Variants in DTWD2 observed in about 807,000 individuals in gnomAD.
DTWD2 encodes tRNA-uridine aminocarboxypropyltransferase 2.
DTWD2 carries 39 observed loss-of-function variants against 31.8 expected under a neutral mutation model. The observed-to-expected ratio is 1.22, with a 90% CI of 0.95 to 1.60. The LOEUF (loss-of-function observed/expected upper bound fraction) is 1.60. DTWD2 is among the 40% of genes most tolerant of loss of function. The pLI, the probability that DTWD2 is intolerant of heterozygous loss-of-function variation, is 0.00. For synonymous variants in DTWD2, 180 were observed against 142.8 expected, an observed-to-expected ratio of 1.26 and a Z score of -1.86; for missense variants, 515 against 381.5, an observed-to-expected ratio of 1.35 and a Z score of -2.92.
At chr5:118,843,753 G>C (rs1459384728) in intron 5 of DTWD2, among the ~76,000 whole-genome samples, 1 of 152,224 alleles carries the variant, frequency 6.6e-6, no homozygotes, top group Admixed American at 6.5e-5. Flanking sequence ...TGAAGAGAAT[G>C]AATTTTGGAA....
Position 118,988,467 on chromosome 5 carries a change from C to T in DTWD2, c.45G>A (p.Ala15=). The change falls in exon 1 of 6, where the codon GCG becomes GCA. Residue 15 remains alanine, a synonymous_variant. Transcript: ENST00000510708. ...GAGAGCTTGAGGCCCCAGAAGGCCG[C>T]GCAACGGGCTCCTGGAGTGTTCGTG... is the stretch of plus-strand genomic sequence containing the variant. The part of the protein sequence containing the change: ...KEARTLQEPV[A]RPSGASSSQT... 1 of 1,605,548 alleles carries T rather than the reference C, an allele frequency of 6.2e-7. No individual in the cohort carries two copies. The highest frequency in any genetic ancestry group is 8.5e-7 in the Non-Finnish European group (1 of 1,177,662).
intron 4 of DTWD2, among the ~76,000 whole-genome samples, chr5:118,889,551 T>C (rs1318702643): frequency 3.9e-5 from 6 of 152,102 alleles, no homozygotes; most frequent in Admixed American, 3.9e-4. Context: ...TTTATTTGTA[T>C]ATAAATAAAA....
intron 1 of DTWD2, among the ~76,000 whole-genome samples, chr5:118,982,702 T>G (rs1437032347): frequency 6.7e-6 from 1 of 149,354 alleles, no homozygotes; most frequent in Admixed American, 6.6e-5. Context: ...TTTTTTTTTT[T>G]TTTTGAGACG....
intron 4 of DTWD2, among the ~76,000 whole-genome samples, chr5:118,871,144 T>C (rs934908697): frequency 3.9e-5 from 6 of 152,200 alleles, no homozygotes; most frequent in Non-Finnish European, 8.8e-5. Flanking sequence ...CAAATCCTCA[T>C]CTGTTCAAGT....
At chr5:118,863,346 C>A (rs1233644244) in intron 4 of DTWD2, among the ~76,000 whole-genome samples, 1 of 152,214 alleles carries the variant, frequency 6.6e-6, no homozygotes, top group African/African-American at 2.4e-5. Context: ...ATCCTTTCCA[C>A]TGTGCATTCT....
chr5:118,856,590 T>C (rs771547542), intron 4 of DTWD2, among the ~76,000 whole-genome samples: 3 of 152,142 alleles, frequency 2.0e-5, no homozygotes, highest in Non-Finnish European at 4.4e-5. Context: ...AGTAGTTACA[T>C]TATATACACC....
chr5:118,941,283 C>T (rs553828863), intron 2 of DTWD2, among the ~76,000 whole-genome samples: 4 of 152,106 alleles, frequency 2.6e-5, no homozygotes, highest in Admixed American at 6.5e-5. Context: ...CCCATTAACT[C>T]GTCATTTACA....
chr5:118,964,114 G>C (rs1754769318), intron 1 of DTWD2, among the ~76,000 whole-genome samples: 1 of 151,736 alleles, frequency 6.6e-6, no homozygotes, highest in South Asian at 2.1e-4. Context: ...GGAGGCTGAG[G>C]CAGGAGAATC....
At chr5:118,898,157 G>C (rs982938999) in intron 4 of DTWD2, among the ~76,000 whole-genome samples, 2 of 152,080 alleles carry the variant, frequency 1.3e-5, no homozygotes, top group Non-Finnish European at 2.9e-5. Flanking sequence ...GAGCCACCAT[G>C]CCCAGCCAAA....
chr5:118,965,925 A>G (rs1364934629), intron 1 of DTWD2, among the ~76,000 whole-genome samples: 1 of 151,812 alleles, frequency 6.6e-6, no homozygotes, highest in Non-Finnish European at 1.5e-5. Flanking sequence ...ACACCCAAGA[A>G]TGATCAATAA....
At chr5:118,889,152 A>T (rs77981342) in intron 4 of DTWD2, among the ~76,000 whole-genome samples, 3,756 of 152,248 alleles carry the variant, frequency 0.025, 164 homozygotes, top group African/African-American at 0.085. Context: ...TGGTGAAATC[A>T]TAGACAAACC....
intron 1 of DTWD2, among the ~76,000 whole-genome samples, chr5:118,951,801 G>A (rs756658765): frequency 2.6e-5 from 4 of 152,080 alleles, no homozygotes; most frequent in East Asian, 3.9e-4. Context: ...GCCCCGCCTC[G>A]GGGAGGTAGT....
At chr5:118,970,981 AG>A (rs1754971318) in intron 1 of DTWD2, among the ~76,000 whole-genome samples, 1 of 152,208 alleles carries the variant, frequency 6.6e-6, no homozygotes, top group African/African-American at 2.4e-5. Flanking sequence ...GAGCTCCTGA[AG>A]GAAGCACTAA....
At chr5:118,973,646 TCCTTGCTCGCGGC>T in intron 1 of DTWD2, 1 of 769,924 alleles carries the variant, frequency 1.3e-6, no homozygotes, top group Admixed American at 2.5e-5. Flanking sequence ...CGCGGCAGCC[TCCTTGCTCGCGGC>T]AGCCTCCTTG....
Position 118,839,640 on chromosome 5 carries a change from G to C in DTWD2, c.*1277C>G, listed in dbSNP as rs1380987789. ...GCCTCCCAAAGTGCTGGGATTACAGGTGTGAGCTAATGGGCCCAGCCCTAA... is the reference window on the plus strand; with the variant it reads ...GCCTCCCAAAGTGCTGGGATTACAGCTGTGAGCTAATGGGCCCAGCCCTAA... On this transcript the variant is annotated 3_prime_UTR_variant, in exon 6 of 6. Transcript: ENST00000510708. The C allele has an allele frequency of 6.6e-6, 1 of 152,084 alleles. No homozygotes were observed. The highest frequency in any genetic ancestry group is 1.5e-5 in the Non-Finnish European group (1 of 68,032). 9.4% of individuals were successfully genotyped at this position (152,084 alleles called of 1,614,324 possible). A position where few individuals can be genotyped will look rare whatever the true frequency, so the allele number is the denominator to read the frequency against.
At chr5:118,847,374 G>C (rs1283663674) in intron 5 of DTWD2, among the ~76,000 whole-genome samples, 1 of 151,946 alleles carries the variant, frequency 6.6e-6, no homozygotes, top group Non-Finnish European at 1.5e-5. Context: ...TTCATGAGTT[G>C]TATTTATCAA....
At chr5:118,850,752 T>C (rs1751981455) in intron 4 of DTWD2, among the ~76,000 whole-genome samples, 1 of 152,110 alleles carries the variant, frequency 6.6e-6, no homozygotes, top group Admixed American at 6.6e-5. Context: ...GGTGAAATTA[T>C]TTGCAAACTA....
At chr5:118,906,330 C>A (rs979069616) in intron 4 of DTWD2, among the ~76,000 whole-genome samples, 7 of 152,196 alleles carry the variant, frequency 4.6e-5, no homozygotes, top group African/African-American at 1.7e-4. Context: ...CAGAATTGAG[C>A]CATTCTACAC....
At chr5:118,870,712 T>A (rs1173148095) in intron 4 of DTWD2, among the ~76,000 whole-genome samples, 3 of 152,130 alleles carry the variant, frequency 2.0e-5, no homozygotes. Flanking sequence ...AAAGGTTGGG[T>A]AGGCTGTGGC....
Sources: gnomAD v4.1 joint callset for allele counts (sites outside exome capture counted in the v4.1 genomes callset) on GRCh38, gnomAD v4.1.1 for gene constraint, MANE v1.5 for transcripts, NCBI Gene and HGNC (gene_info 2026-07-23, HGNC 2026-07-21) for gene names.